The following SORCS1 variants were observed in gnomAD, a reference collection of about 807,000 sequenced individuals.
SORCS1 encodes VPS10 domain-containing receptor SorCS1.
In SORCS1, 60 loss-of-function variants were observed where a neutral mutation model predicts 146.1. The ratio of observed to expected loss-of-function variants is 0.41; its 90% CI spans 0.33 to 0.51. The LOEUF is 0.51. Ranked by LOEUF, SORCS1 falls within the 20% of genes least tolerant of loss-of-function variation. The pLI is 0.21. For missense variants in SORCS1, 1,352 were observed against 1,487.6 expected (o/e 0.91, Z 1.50); for synonymous variants, 637 against 584.0 (o/e 1.09, Z -1.31).
At chr10:107,115,112 C>A (rs1444137642) in intron 1 of SORCS1, among the ~76,000 whole-genome samples, 1 of 151,750 alleles carries the variant, frequency 6.6e-6, no homozygotes, top group Non-Finnish European at 1.5e-5. Context: ...AAGACATAAA[C>A]TAATAAAAAC....
intron 2 of SORCS1, 72 bp from the exon 3 acceptor site, chr10:106,829,745 CT>C: frequency 9.0e-7 from 1 of 1,106,070 alleles, no homozygotes. Context: ...ATAATGCATG[CT>C]TTACACAGTA....
chr10:106,998,393 T>C (rs957466675), intron 1 of SORCS1, among the ~76,000 whole-genome samples: 1 of 152,242 alleles, frequency 6.6e-6, no homozygotes, highest in Non-Finnish European at 1.5e-5. Flanking sequence ...TCTTTCATTT[T>C]TTTGATGTTC....
At chr10:107,035,388 A>G (rs894378963) in intron 1 of SORCS1, among the ~76,000 whole-genome samples, 2 of 152,034 alleles carry the variant, frequency 1.3e-5, no homozygotes, top group African/African-American at 4.8e-5. Context: ...GTGACTTCCC[A>G]TTACATGATT....
At chr10:106,657,708 A>G (rs1850412725) in intron 17 of SORCS1, among the ~76,000 whole-genome samples, 1 of 150,808 alleles carries the variant, frequency 6.6e-6, no homozygotes, top group Non-Finnish European at 1.5e-5. Flanking sequence ...TCAAGAAAAT[A>G]AATAAACACT....
In SORCS1 at chr10:107,051,972, T is replaced by C. The variant is rs140141883; in HGVS notation, c.559-95392A>G. On this transcript the variant is annotated intron_variant, in intron 1 of 25. Coordinates refer to ENST00000263054, the MANE Select transcript of SORCS1 (RefSeq NM_052918.5). ...CTGCCTTGGTCTTATGGACTACTGGTGTTGCACAGAACTGTTTTGCAAAGT... is the reference window on the plus strand; with the variant it reads ...CTGCCTTGGTCTTATGGACTACTGGCGTTGCACAGAACTGTTTTGCAAAGT... 1.2e-3 allele frequency among the ~76,000 whole-genome samples: 179 copies of C among 152,302 alleles called. 1 individual carries two copies. Among genetic ancestry groups the C allele is most frequent in the African/African-American group, 3.6e-3 (151 of 41,576 alleles).
chr10:107,087,373 T>A (rs1054299789), intron 1 of SORCS1, among the ~76,000 whole-genome samples: 3 of 152,308 alleles, frequency 2.0e-5, no homozygotes, highest in Non-Finnish European at 4.4e-5. Flanking sequence ...ATATGTCTAG[T>A]GTTCCTGGAG....
At chr10:107,105,325 T>C (rs1965231993) in intron 1 of SORCS1, among the ~76,000 whole-genome samples, 1 of 152,140 alleles carries the variant, frequency 6.6e-6, no homozygotes, top group Non-Finnish European at 1.5e-5. Context: ...CAGAGTGTAT[T>C]AGGGTTCTCT....
chr10:107,137,865 A>G (rs1967461227), intron 1 of SORCS1, among the ~76,000 whole-genome samples: 1 of 149,976 alleles, frequency 6.7e-6, no homozygotes, highest in East Asian at 1.9e-4. Flanking sequence ...TCCGTCTCAA[A>G]AAAAAAAAAA....
intron 18 of SORCS1, among the ~76,000 whole-genome samples, chr10:106,640,747 G>A (rs927003190): frequency 1.3e-5 from 2 of 152,174 alleles, no homozygotes; most frequent in Non-Finnish European, 2.9e-5. Flanking sequence ...TAGTGGTCCA[G>A]AGGACATCCA....
At chr10:106,776,393 C>T in intron 4 of SORCS1, 141 bp downstream of exon 4, 2 of 1,019,740 alleles carry the variant, frequency 2.0e-6, no homozygotes, top group Non-Finnish European at 2.9e-6. Flanking sequence ...TCCTTGCTTT[C>T]CCTTGTCCCA....
intron 2 of SORCS1, among the ~76,000 whole-genome samples, chr10:106,836,213 G>T (rs927339390): frequency 6.6e-6 from 1 of 151,252 alleles, no homozygotes; most frequent in African/African-American, 2.4e-5. Flanking sequence ...AGTGGCTCAC[G>T]CCTGTAATCC....
rs185559844 is a variant in SORCS1, at chr10:106,705,110, A to C, written c.1233+1435T>G. Among the ~76,000 whole-genome samples, 50 of 152,294 alleles carry C rather than the reference A, an allele frequency of 3.3e-4. 1 individual carries two copies. Among genetic ancestry groups the C allele is most frequent in the Admixed American group, 1.2e-3 (19 of 15,296 alleles). On this transcript the variant is annotated intron_variant, in intron 8 of 25. Coordinates refer to ENST00000263054, the MANE Select transcript of SORCS1 (RefSeq NM_052918.5). ...TCTTGTCTTACTGGAGAAAAAAAAAACAAACACTTAAGCCAAATCAAGAAC... is the reference window on the plus strand; with the variant it reads ...TCTTGTCTTACTGGAGAAAAAAAAACCAAACACTTAAGCCAAATCAAGAAC...
At chr10:106,807,020 T>C (rs1219194097) in intron 3 of SORCS1, among the ~76,000 whole-genome samples, 2 of 152,192 alleles carry the variant, frequency 1.3e-5, no homozygotes, top group Non-Finnish European at 2.9e-5. Context: ...TTCACCATCC[T>C]ACTTCTCGTC....
chr10:106,682,077 A>G (rs1392571761), intron 10 of SORCS1, among the ~76,000 whole-genome samples: 1 of 152,154 alleles, frequency 6.6e-6, no homozygotes, highest in Non-Finnish European at 1.5e-5. Flanking sequence ...GCAGTTAGCC[A>G]AGATCACACC....
intron 1 of SORCS1, among the ~76,000 whole-genome samples, chr10:107,144,652 T>G (rs1248775486): frequency 6.6e-6 from 1 of 152,202 alleles, no homozygotes; most frequent in Non-Finnish European, 1.5e-5. Context: ...TATTGGGCAC[T>G]CCGTAGTGAG....
intron 2 of SORCS1, among the ~76,000 whole-genome samples, chr10:106,906,874 G>C (rs1404224864): frequency 6.6e-6 from 1 of 152,210 alleles, no homozygotes; most frequent in East Asian, 1.9e-4. Context: ...CAGGGAAGGG[G>C]CTGAGTACTT....
In SORCS1 at chr10:106,671,502, C is replaced by T. The variant is rs1851601121; in HGVS notation, c.2059-135G>A. ...TTGGTAGCCCTCTTTGTGCTAACAA[C>T]ATTTTCCTTTTGCGGTCTAGAGCCC... On this transcript the variant is annotated intron_variant, in intron 15 of 25. Transcript: ENST00000263054. 8.6e-6 allele frequency: 11 copies of T among 1,285,844 alleles called. No individual in the cohort carries two copies. The South Asian group carries it at 1.6e-4, about 18-fold the overall frequency. 79.7% of individuals were successfully genotyped at this position (1,285,844 alleles called of 1,614,324 possible). A position where few individuals can be genotyped will look rare whatever the true frequency, so the allele number is the denominator to read the frequency against.
intron 3 of SORCS1, among the ~76,000 whole-genome samples, chr10:106,794,458 C>T (rs1589892323): frequency 6.6e-6 from 1 of 151,978 alleles, no homozygotes; most frequent in East Asian, 1.9e-4. Context: ...TCCTCACTTC[C>T]TACAACGTCC....
At chr10:106,655,990 G>A (rs934990423) in intron 17 of SORCS1, among the ~76,000 whole-genome samples, 7 of 152,190 alleles carry the variant, frequency 4.6e-5, no homozygotes, top group African/African-American at 1.7e-4. Flanking sequence ...GATGCATTTA[G>A]TTGGTAAAGC....
Sources: gnomAD v4.1 joint callset for allele counts (sites outside exome capture counted in the v4.1 genomes callset) on GRCh38, gnomAD v4.1.1 for gene constraint, MANE v1.5 for transcripts, NCBI Gene and HGNC (gene_info 2026-07-23, HGNC 2026-07-21) for gene names.